The following EMP1 variants were observed in gnomAD, a reference collection of about 807,000 sequenced individuals.
EMP1 encodes the protein tumor-associated membrane protein.
A neutral mutation model predicts 15.7 loss-of-function variants in EMP1; 5 were observed. The ratio of observed to expected loss-of-function variants is 0.32; its 90% CI spans 0.17 to 0.67. The LOEUF (loss-of-function observed/expected upper bound fraction) is 0.67. Among genes scored for constraint, EMP1 ranks in the 30% least tolerant of loss-of-function variants. The pLI, the probability that EMP1 is intolerant of heterozygous loss-of-function variation, is 0.74. For synonymous variants in EMP1, 78 were observed against 76.7 expected, an observed-to-expected ratio of 1.02 and a Z score of -0.09; for missense variants, 166 against 194.2, an observed-to-expected ratio of 0.85 and a Z score of 0.86.
Position 13,211,758 on chromosome 12 carries a change from G to T in EMP1, c.78+170G>T. On this transcript the variant is annotated intron_variant, in intron 2 of 4. Transcript: ENST00000256951. This position sits in a 1 kb window ranked among gnomAD's most constrained non-coding sequence, Gnocchi z 4.7. ...CCCTTCAAACAATTAAATAACAGGA[G>T]GATAAAAGTGAATGTCCACAGGAGT... is the stretch of plus-strand genomic sequence containing the variant. 1 of 687,640 alleles carries T rather than the reference G, an allele frequency of 1.5e-6. No individual in the cohort carries two copies. 42.6% of individuals were successfully genotyped at this position (687,640 alleles called of 1,614,324 possible).
In EMP1 at chr12:13,218,683, A is replaced by T. The variant is rs964919315; in HGVS notation, c.*3992A>T. 1 of 152,252 alleles carries T rather than the reference A, an allele frequency of 6.6e-6. No homozygotes were observed. The highest frequency in any genetic ancestry group is 1.5e-5 in the Non-Finnish European group (1 of 68,064). The allele number at this position is 152,252 out of a possible 1,614,324, so 9.4% of individuals were successfully genotyped here. A position where few individuals can be genotyped will look rare whatever the true frequency, so the allele number is the denominator to read the frequency against. ...ACGTGGCTTTGTTTCTGAAAGGGAGACATGTGAAGCCTACTCCTGAGGCGG... is the reference window on the plus strand; with the variant it reads ...ACGTGGCTTTGTTTCTGAAAGGGAGTCATGTGAAGCCTACTCCTGAGGCGG... On this transcript the variant is annotated 3_prime_UTR_variant, in exon 5 of 5. Transcript: ENST00000256951.
chr12:13,203,807 G>A lies in EMP1; in HGVS notation c.-43+6935G>A, dbSNP rs182174465. Among the ~76,000 whole-genome samples the A allele has an allele frequency of 3.0e-3, 464 of 152,330 alleles. 1 individual carries two copies. Among genetic ancestry groups the A allele is most frequent in the Non-Finnish European group, 5.2e-3 (351 of 68,034 alleles). ...CCTGTAGGAGCCACTGACCAGAGAG[G>A]TTATGTGATTTTTCTAAAGTCAGAA... On this transcript the variant is annotated intron_variant, in intron 1 of 4. Transcript: ENST00000256951.
In EMP1 at chr12:13,214,745, C is replaced by T. The variant is rs1422219442; in HGVS notation, c.*54C>T. Reference sequence around the variant, plus strand: ...GGTGGGGAGGAGGAAGCCGTTGAATCTGGGAGGGAAGTGGAGGTTGCTGTA... The same window carrying T: ...GGTGGGGAGGAGGAAGCCGTTGAATTTGGGAGGGAAGTGGAGGTTGCTGTA... On this transcript the variant is annotated 3_prime_UTR_variant, in exon 5 of 5. Coordinates refer to ENST00000256951, the MANE Select transcript of EMP1 (RefSeq NM_001423.3). The T allele has an allele frequency of 1.5e-5, 22 of 1,455,168 alleles. No individual in the cohort carries two copies. Among genetic ancestry groups the T allele is most frequent in the Non-Finnish European group, 1.8e-5 (20 of 1,091,118 alleles). 90.1% of individuals were successfully genotyped at this position (1,455,168 alleles called of 1,614,324 possible).
At chr12:13,207,799 T>C (rs1377331791) in intron 1 of EMP1, among the ~76,000 whole-genome samples, 2 of 152,200 alleles carry the variant, frequency 1.3e-5, no homozygotes, top group East Asian at 1.9e-4. Flanking sequence ...GGCATCCACA[T>C]AGAAGTCAGT....
intron 1 of EMP1, among the ~76,000 whole-genome samples, chr12:13,198,222 A>T (rs749082494): frequency 6.6e-6 from 1 of 152,244 alleles, no homozygotes; most frequent in Non-Finnish European, 1.5e-5. Flanking sequence ...CATGCTAATC[A>T]TGAAATCTGG....
At position 13,218,060 on chromosome 12, in the gene EMP1, A is replaced by G. The variant is rs1724531672; in HGVS notation, c.*3369A>G. 6.6e-6 allele frequency: 1 copy of G among 152,214 alleles called. No individual in the cohort carries two copies. The highest frequency in any genetic ancestry group is 1.5e-5 in the Non-Finnish European group (1 of 68,040). 9.4% of individuals were successfully genotyped at this position (152,214 alleles called of 1,614,324 possible). On this transcript the variant is annotated 3_prime_UTR_variant, in exon 5 of 5. Transcript: ENST00000256951. ...CTCTTAGGTGAAATTTGTGCAAATT[A>G]TGAGTATAAAGAGGGTGAGCTACAG...
At position 13,211,571 on chromosome 12, in the gene EMP1, G is replaced by A; in HGVS notation, c.61G>A (p.Val21Ile). 6.2e-7 allele frequency: 1 copy of A among 1,613,316 alleles called. No individual in the cohort carries two copies. The highest frequency in any genetic ancestry group is 8.5e-7 in the Non-Finnish European group (1 of 1,179,830). The change falls in exon 2 of 5, where the codon GTT becomes ATT. Residue 21 changes from valine to isoleucine, a missense_variant. Val to Ile is a conservative substitution (Grantham distance 29, BLOSUM62 3). Transcript: ENST00000256951. The surrounding 1 kb of genome is among the most constrained non-coding windows in gnomAD (Gnocchi z 4.7). ...VHIATVIMLF[V>I]STIANVWLVS... is the part of the protein sequence containing the mutation. ...CATCGCTACTGTTATTATGCTATTT[G>A]TTAGCACCATTGCCAATGTGAGTAA...
intron 2 of EMP1, among the ~76,000 whole-genome samples, chr12:13,213,219 G>A (rs1473871262): frequency 6.6e-6 from 1 of 152,114 alleles, no homozygotes; most frequent in Admixed American, 6.5e-5. Context: ...TTGTTAAGTC[G>A]TGAAGAATGT....
Position 13,216,529 on chromosome 12 carries a change from C to G in EMP1, c.*1838C>G. ...AAACATACTTACATTTCAGACATAT[C>G]CAAAGGGAATACTCACATTTTGTTA... On this transcript the variant is annotated 3_prime_UTR_variant, in exon 5 of 5. Coordinates refer to ENST00000256951, the MANE Select transcript of EMP1 (RefSeq NM_001423.3). The G allele has an allele frequency of 1.4e-6, 1 of 693,598 alleles. No individual in the cohort carries two copies. The highest frequency in any genetic ancestry group is 2.6e-6 in the Non-Finnish European group (1 of 379,784). 43.0% of individuals were successfully genotyped at this position (693,598 alleles called of 1,614,324 possible).
At chr12:13,200,176 T>C (rs1362103289) in intron 1 of EMP1, among the ~76,000 whole-genome samples, 1 of 152,162 alleles carries the variant, frequency 6.6e-6, no homozygotes, top group Non-Finnish European at 1.5e-5. Flanking sequence ...CTCTCAGATG[T>C]ACATACTCGG....
chr12:13,202,416 T>C (rs1864073954), intron 1 of EMP1, among the ~76,000 whole-genome samples: 1 of 152,166 alleles, frequency 6.6e-6, no homozygotes. Flanking sequence ...CTTAGACTTC[T>C]CATTTCAAAG....
At chr12:13,212,523 C>A (rs187584616) in intron 2 of EMP1, among the ~76,000 whole-genome samples, 1 of 152,234 alleles carries the variant, frequency 6.6e-6, no homozygotes, top group Non-Finnish European at 1.5e-5. Flanking sequence ...CCCCCGCCCA[C>A]GTGACCTCCT....
At chr12:13,210,128 A>G (rs1026926693) in intron 1 of EMP1, among the ~76,000 whole-genome samples, 1 of 152,250 alleles carries the variant, frequency 6.6e-6, no homozygotes, top group Non-Finnish European at 1.5e-5. Context: ...GATAAAAGGC[A>G]TGTGAAGTGT....
Position 13,216,656 on chromosome 12 carries a change from G to A in EMP1, c.*1965G>A, listed in dbSNP as rs894998631. ...GTAATTTGCATTACTCTGGTGGATT[G>A]TTCTAGTACTGTATTGGGCTTCTTC... is the stretch of plus-strand genomic sequence containing the variant. On this transcript the variant is annotated 3_prime_UTR_variant, in exon 5 of 5. Transcript: ENST00000256951. 13 of 576,526 alleles carry A rather than the reference G, an allele frequency of 2.3e-5. No homozygotes were observed. The highest frequency in any genetic ancestry group is 2.0e-4 in the Admixed American group (6 of 29,540). 35.7% of individuals were successfully genotyped at this position (576,526 alleles called of 1,614,324 possible). A position where few individuals can be genotyped will look rare whatever the true frequency, so the allele number is the denominator to read the frequency against.
intron 1 of EMP1, among the ~76,000 whole-genome samples, chr12:13,198,569 T>G (rs1449738710): frequency 1.3e-5 from 2 of 152,234 alleles, no homozygotes; most frequent in Non-Finnish European, 2.9e-5. Flanking sequence ...CACATGTTTA[T>G]TATTTCCACA....
Position 13,211,802 on chromosome 12 carries a change from G to A in EMP1, c.78+214G>A. 1.7e-6 allele frequency: 1 copy of A among 575,082 alleles called. No individual in the cohort carries two copies. Among genetic ancestry groups the A allele is most frequent in the Non-Finnish European group, 3.0e-6 (1 of 327,898 alleles). 35.6% of individuals were successfully genotyped at this position (575,082 alleles called of 1,614,324 possible). ...CAGGAGTAATCCTGCCAGAGCTGTA[G>A]GTGGTTAAGGGCTGGAGGATCTAGT... On this transcript the variant is annotated intron_variant, in intron 2 of 4. Coordinates refer to ENST00000256951, the MANE Select transcript of EMP1 (RefSeq NM_001423.3). The surrounding 1 kb of genome is among the most constrained non-coding windows in gnomAD (Gnocchi z 4.7).
At chr12:13,206,221 A>AG (rs1864109625) in intron 1 of EMP1, among the ~76,000 whole-genome samples, 1 of 152,312 alleles carries the variant, frequency 6.6e-6, no homozygotes, top group East Asian at 1.9e-4. Flanking sequence ...GACATTTGGC[A>AG]GTGGTCATTA....
In EMP1 at chr12:13,216,202, T is replaced by C. The variant is rs1864213905; in HGVS notation, c.*1511T>C. ...CGTTTTCTTTATCGCCCTGAGAAGA[T>C]CTACCCCAGGGAGAATCTGAGACAT... On this transcript the variant is annotated 3_prime_UTR_variant, in exon 5 of 5. Transcript: ENST00000256951. 5.2e-6 allele frequency: 3 copies of C among 573,544 alleles called. No individual in the cohort carries two copies. In the Admixed American group the frequency reaches 9.6e-5, roughly 18 times the overall value. The allele number at this position is 573,544 out of a possible 1,614,324, so 35.5% of individuals were successfully genotyped here.
At chr12:13,205,330 C>A (rs531289036) in intron 1 of EMP1, among the ~76,000 whole-genome samples, 1 of 152,070 alleles carries the variant, frequency 6.6e-6, no homozygotes, top group Admixed American at 6.6e-5. Context: ...CACATATATA[C>A]CCTTGTATAT....
Sources: gnomAD v4.1 joint callset for allele counts (sites outside exome capture counted in the v4.1 genomes callset) on GRCh38, gnomAD v4.1.1 for gene constraint, Gnocchi (gnomAD v3.1) non-coding constraint, MANE v1.5 for transcripts, NCBI Gene and HGNC (gene_info 2026-07-23, HGNC 2026-07-21) for gene names.